The following FUT8 variants were observed in gnomAD, a reference collection of about 807,000 sequenced individuals.
FUT8 encodes the protein fucosyltransferase 8, also known as alpha-(1,6)-fucosyltransferase.
In FUT8, 29 loss-of-function variants were observed where a neutral mutation model predicts 71.3. The ratio of observed to expected loss-of-function variants is 0.41; its 90% CI spans 0.30 to 0.55. The LOEUF is 0.55. FUT8 is among the 20% of genes least tolerant of loss of function. The pLI, the probability that FUT8 is intolerant of heterozygous loss-of-function variation, is 0.34. For missense variants in FUT8, 544 were observed against 702.1 expected (o/e 0.77, Z 2.55); for synonymous variants, 254 against 239.3 (o/e 1.06, Z -0.57).
At chr14:65,665,465 A>G (rs1010631166) in intron 6 of FUT8, among the ~76,000 whole-genome samples, 16 of 152,206 alleles carry the variant, frequency 1.1e-4, no homozygotes, top group African/African-American at 3.6e-4. Flanking sequence ...AAGAAGTGAA[A>G]GAAAGAACTT....
At chr14:65,374,939 C>T in the FUT8 span, among the ~76,000 whole-genome samples, 1 of 152,040 alleles carries the variant, frequency 6.6e-6, no homozygotes, top group Admixed American at 6.6e-5. Context: ...CCCTGCAGGT[C>T]TGTGGCTTAG....
chr14:65,663,210 A>G (rs1373372631), intron 6 of FUT8, among the ~76,000 whole-genome samples: 1 of 152,112 alleles, frequency 6.6e-6, no homozygotes, highest in South Asian at 2.1e-4. Context: ...GAAAATTACA[A>G]AACTATGGCT....
chr14:65,520,708 C>T (rs1333181533), intron 2 of FUT8, among the ~76,000 whole-genome samples: 1 of 151,848 alleles, frequency 6.6e-6, no homozygotes, highest in Non-Finnish European at 1.5e-5. Flanking sequence ...GTCTATGGTT[C>T]TGTTTAGTAA....
intron 6 of FUT8, among the ~76,000 whole-genome samples, chr14:65,634,990 G>A (rs1164139896): frequency 6.6e-6 from 1 of 152,152 alleles, no homozygotes; most frequent in Non-Finnish European, 1.5e-5. Flanking sequence ...ATTTGTTTGT[G>A]TCATCTATGA....
intron 2 of FUT8, among the ~76,000 whole-genome samples, chr14:65,495,054 G>T (rs1479323284): frequency 6.6e-6 from 1 of 151,862 alleles, no homozygotes; most frequent in Non-Finnish European, 1.5e-5. Context: ...GTGAAACATG[G>T]TGTTTGTTGG....
At chr14:65,398,506 C>T in the FUT8 span, among the ~76,000 whole-genome samples, 62 of 151,826 alleles carry the variant, frequency 4.1e-4, no homozygotes, top group Non-Finnish European at 7.8e-4. Context: ...GAGGCCGAGG[C>T]GGGTGGATCA....
intron 6 of FUT8, among the ~76,000 whole-genome samples, chr14:65,650,298 C>CAAAAAAAAAAAAAAA (rs869168766): frequency 2.5e-5 from 1 of 39,676 alleles, no homozygotes; most frequent in African/African-American, 1.3e-4. Flanking sequence ...GACTCTGTCT[C>CAAAAAAAAAAAAAAA]AAAAAAAAAA....
At chr14:65,455,235 A>T (rs569485734) in intron 1 of FUT8, among the ~76,000 whole-genome samples, 4 of 152,352 alleles carry the variant, frequency 2.6e-5, no homozygotes, top group African/African-American at 9.6e-5. Context: ...GTGTCATACA[A>T]AATCGAGGGG....
intron 2 of FUT8, among the ~76,000 whole-genome samples, chr14:65,460,681 C>T (rs2065957638): frequency 6.6e-6 from 1 of 152,138 alleles, no homozygotes; most frequent in Non-Finnish European, 1.5e-5. Flanking sequence ...GAGTTCATTG[C>T]TTATTGTGGT....
chr14:65,565,311 A>G (rs886626626), intron 3 of FUT8, among the ~76,000 whole-genome samples: 4 of 151,920 alleles, frequency 2.6e-5, no homozygotes, highest in East Asian at 1.9e-4. Flanking sequence ...CAATACTGCC[A>G]TGTTGGGGAT....
At position 65,632,011 on chromosome 14, in the gene FUT8, C is replaced by T. The variant is rs533113495; in HGVS notation, c.597+2405C>T. ...TAATAGTCTCCAATCTCATGGAAGT[C>T]GCTGCAAATGTCGTTAATTCATTCC... On this transcript the variant is annotated intron_variant, in intron 6 of 10. Transcript: ENST00000673929. Among the ~76,000 whole-genome samples the T allele has an allele frequency of 6.9e-4, 105 of 152,264 alleles. 1 individual carries two copies. Among genetic ancestry groups the T allele is most frequent in the African/African-American group, 2.1e-3 (88 of 41,560 alleles).
chr14:65,372,845 G>T, the FUT8 span, among the ~76,000 whole-genome samples: 2 of 151,902 alleles, frequency 1.3e-5, no homozygotes, highest in African/African-American at 4.8e-5. Context: ...GAGTTCCTTT[G>T]TACTCTTACT....
intron 2 of FUT8, among the ~76,000 whole-genome samples, chr14:65,501,034 T>A (rs1171346668): frequency 1.3e-5 from 2 of 152,188 alleles, no homozygotes; most frequent in Non-Finnish European, 2.9e-5. Context: ...ACTTACCATG[T>A]TTGGGAAGAC....
chr14:65,432,001 A>AT (rs2065484170), intron 1 of FUT8, among the ~76,000 whole-genome samples: 1 of 152,080 alleles, frequency 6.6e-6, no homozygotes, highest in Admixed American at 6.6e-5. Context: ...TGGTTACCTT[A>AT]TTTTTTACTA....
At chr14:65,596,265 T>C (rs1050426193) in intron 3 of FUT8, among the ~76,000 whole-genome samples, 7 of 152,346 alleles carry the variant, frequency 4.6e-5, no homozygotes, top group Admixed American at 3.9e-4. Flanking sequence ...TTTGATGTGT[T>C]TTGATTTTAA....
intron 3 of FUT8, among the ~76,000 whole-genome samples, chr14:65,580,509 A>G (rs1435901691): frequency 1.3e-5 from 2 of 151,940 alleles, no homozygotes; most frequent in African/African-American, 4.8e-5. Context: ...GCGTGTATAT[A>G]ACACACTATG....
the FUT8 span, among the ~76,000 whole-genome samples, chr14:65,373,603 C>T: frequency 6.6e-6 from 1 of 152,110 alleles, no homozygotes; most frequent in African/African-American, 2.4e-5. Flanking sequence ...CTGTGTGCTT[C>T]CCCTCCCGTA....
chr14:65,551,535 T>C (rs1885282346), intron 2 of FUT8, among the ~76,000 whole-genome samples: 1 of 152,124 alleles, frequency 6.6e-6, no homozygotes, highest in Non-Finnish European at 1.5e-5. Flanking sequence ...AGATCTTACG[T>C]AAAGTATTCT....
At position 65,638,856 on chromosome 14, in the gene FUT8, C is replaced by T. The variant is rs184137463; in HGVS notation, c.597+9250C>T. 3.0e-3 allele frequency among the ~76,000 whole-genome samples: 454 copies of T among 152,172 alleles called. 2 individuals carry two copies. Among genetic ancestry groups the T allele is most frequent in the African/African-American group, 0.01 (423 of 41,514 alleles). ...GTAATTCAGATTGCATTTGTATTTC[C>T]GCCTAACCAAAATAAAGCCAGAAGT... is the stretch of plus-strand genomic sequence containing the variant. On this transcript the variant is annotated intron_variant, in intron 6 of 10. Coordinates refer to ENST00000673929, the MANE Select transcript of FUT8 (RefSeq NM_001371533.1). This position sits in a 1 kb window ranked among gnomAD's most constrained non-coding sequence, Gnocchi z 4.5.
Sources: allele counts gnomAD v4.1 joint callset (sites outside exome capture counted in the v4.1 genomes callset), GRCh38; gene constraint gnomAD v4.1.1; non-coding constraint Gnocchi (gnomAD v3.1); transcripts MANE v1.5; gene names NCBI Gene and HGNC (gene_info 2026-07-23, HGNC 2026-07-21).